Variants in ALDH7A1 observed in about 807,000 individuals in gnomAD.
ALDH7A1 encodes the protein alpha-aminoadipic semialdehyde dehydrogenase.
Under a neutral mutation model 79.9 loss-of-function variants are expected in ALDH7A1, and 63 were observed. The observed-to-expected ratio is 0.79, with a 90% CI of 0.64 to 0.97. The LOEUF (loss-of-function observed/expected upper bound fraction) is 0.97, where lower values mean the gene tolerates loss of function less well. Ranked by LOEUF, ALDH7A1 falls within the 50% of genes least tolerant of loss-of-function variation. The pLI is 0.00. For missense variants in ALDH7A1, 627 were observed against 665.2 expected, an observed-to-expected ratio of 0.94 and a Z score of 0.63; for synonymous variants, 240 against 231.2, an observed-to-expected ratio of 1.04 and a Z score of -0.34.
chr5:126,579,803 T>A (rs1030879697), intron 5 of ALDH7A1, among the ~76,000 whole-genome samples: 11 of 151,778 alleles, frequency 7.2e-5, no homozygotes, highest in Admixed American at 3.9e-4. Flanking sequence ...ACAAGAAAAA[T>A]TTTTAAATTA....
Position 126,544,876 on chromosome 5 carries a change from T to C in ALDH7A1, c.*89A>G, listed in dbSNP as rs1233658321. 5 of 1,088,258 alleles carry C rather than the reference T, an allele frequency of 4.6e-6. No homozygotes were observed. In the African/African-American group the frequency reaches 7.8e-5, roughly 17 times the overall value. 67.4% of individuals were successfully genotyped at this position (1,088,258 alleles called of 1,614,324 possible). On this transcript the variant is annotated 3_prime_UTR_variant, in exon 18 of 18. Coordinates refer to ENST00000409134, the MANE Select transcript of ALDH7A1 (RefSeq NM_001182.5). Reference sequence around the variant, plus strand: ...CACTGTCACAGTCATAATAATGCATTTATTCAGGGAAAACTTTAATTTTCT... The same window carrying C: ...CACTGTCACAGTCATAATAATGCATCTATTCAGGGAAAACTTTAATTTTCT...
At chr5:126,552,254 T>C in intron 13 of ALDH7A1, 117 bp from the exon 14 acceptor site, 1 of 718,620 alleles carries the variant, frequency 1.4e-6, no homozygotes, top group Non-Finnish European at 2.4e-6. Flanking sequence ...CATTTATAGG[T>C]GAATTATTTC....
At chr5:126,550,026 G>A (rs757878684) in intron 15 of ALDH7A1, 24 bp from the exon 16 acceptor site, 1 of 1,606,142 alleles carries the variant, frequency 6.2e-7, no homozygotes, top group Non-Finnish European at 8.5e-7. Flanking sequence ...GAGGCATGGT[G>A]AGAGCAATGA....
At position 126,561,077 on chromosome 5, in the gene ALDH7A1, C is replaced by G. The variant is rs776351988; in HGVS notation, c.913+6G>C. 2 of 1,613,312 alleles carry G rather than the reference C, an allele frequency of 1.2e-6. No homozygotes were observed. Among genetic ancestry groups the G allele is most frequent in the East Asian group, 2.2e-5 (1 of 44,840 alleles). ...AAAACAAACAAAAACAAAGAGGCAGCCTTACCAATAATGGCATTGTTTCCT... is the reference window on the plus strand; with the variant it reads ...AAAACAAACAAAAACAAAGAGGCAGGCTTACCAATAATGGCATTGTTTCCT... On this transcript the variant is annotated splice_donor_region_variant and intron_variant, in intron 10 of 17. Transcript: ENST00000409134.
intron 16 of ALDH7A1, among the ~76,000 whole-genome samples, chr5:126,547,662 C>T (rs1749836703): frequency 1.3e-5 from 2 of 152,214 alleles, no homozygotes; most frequent in African/African-American, 2.4e-5. Flanking sequence ...AGGGTCAATA[C>T]ATAATGTCTA....
chr5:126,543,964 C>CTTTTTTTTTTTTTTTTTTT lies in ALDH7A1; in HGVS notation c.*982_*1000dup, dbSNP rs60217601. 1 of 122,062 alleles carries CTTTTTTTTTTTTTTTTTTT rather than the reference C, an allele frequency of 8.2e-6. No homozygotes were observed. The highest frequency in any genetic ancestry group is 1.7e-5 in the Non-Finnish European group (1 of 59,962). 7.6% of individuals were successfully genotyped at this position (122,062 alleles called of 1,614,324 possible). On this transcript the variant is annotated 3_prime_UTR_variant, in exon 18 of 18. Coordinates refer to ENST00000409134, the MANE Select transcript of ALDH7A1 (RefSeq NM_001182.5). Reference sequence around the variant, plus strand: ...GGTTGTATAAAAAAATCCAGATGCACTTTTTTTTTTTTTTTTTTTTGTAGA... The same window carrying CTTTTTTTTTTTTTTTTTTT: ...GGTTGTATAAAAAAATCCAGATGCACTTTTTTTTTTTTTTTTTTTTTTTTTTTTTTTTTTTTTTTGTAGA...
At chr5:126,590,202 T>A (rs1581403266) in intron 3 of ALDH7A1, among the ~76,000 whole-genome samples, 1 of 145,122 alleles carries the variant, frequency 6.9e-6, no homozygotes, top group Non-Finnish European at 1.5e-5. Context: ...GCCACCGCCC[T>A]GTCTGGGAAG....
chr5:126,544,411 A>T lies in ALDH7A1; in HGVS notation c.*554T>A, dbSNP rs1029608883. 13 of 160,678 alleles carry T rather than the reference A, an allele frequency of 8.1e-5. No individual in the cohort carries two copies. The highest frequency in any genetic ancestry group is 3.1e-4 in the African/African-American group (13 of 41,490). 10.0% of individuals were successfully genotyped at this position (160,678 alleles called of 1,614,324 possible). On this transcript the variant is annotated 3_prime_UTR_variant, in exon 18 of 18. Transcript: ENST00000409134. ...TTCATAAGCAAGAGCCATAACTGTGATGAATGCCTGTTGTCATTTTAAGCA... is the reference window on the plus strand; with the variant it reads ...TTCATAAGCAAGAGCCATAACTGTGTTGAATGCCTGTTGTCATTTTAAGCA...
Position 126,559,285 on chromosome 5 carries a change from A to G in ALDH7A1, c.963T>C (p.Ala321=). Residue 321 remains alanine (A), a synonymous_variant, in exon 11 of 18, where the codon GCT becomes GCC. Transcript: ENST00000409134. ...ACCTCTGGCCAGCTGTTCCCACAGC[A>G]GCGAAGAGAGCTGATGGAACAACTA... ...LSLVVPSALF[A]AVGTAGQRCT... is the part of the protein sequence containing the mutation. 1 of 1,614,076 alleles carries G rather than the reference A, an allele frequency of 6.2e-7. No individual in the cohort carries two copies.
Position 126,594,742 on chromosome 5 carries a change from G to A in ALDH7A1, c.192+265C>T, listed in dbSNP as rs1751682248. 2.0e-5 allele frequency among the ~76,000 whole-genome samples: 3 copies of A among 152,006 alleles called. No homozygotes were observed. The South Asian group carries it at 6.2e-4, about 32-fold the overall frequency. ...ATTACAGGGGTGAGCCACCGCGCCC[G>A]GTAGACCATAATGTTTTAAATATGC... On this transcript the variant is annotated intron_variant, in intron 1 of 17. Coordinates refer to ENST00000409134, the MANE Select transcript of ALDH7A1 (RefSeq NM_001182.5).
rs1561652430 is a variant in ALDH7A1, at chr5:126,556,022, G to GA, written c.1009-8dup. On this transcript the variant is annotated splice_region_variant and splice_polypyrimidine_tract_variant and intron_variant, in intron 11 of 17. Coordinates refer to ENST00000409134, the MANE Select transcript of ALDH7A1 (RefSeq NM_001182.5). Reference sequence around the variant, plus strand: ...GGATGCTTTCATGTATAAACTAAACGAAAAAAGATATTCAAGGGCATAGTA... The same window carrying GA: ...GGATGCTTTCATGTATAAACTAAACGAAAAAAAGATATTCAAGGGCATAGTA... The GA allele has an allele frequency of 3.7e-6, 6 of 1,600,862 alleles. No homozygotes were observed. The highest frequency in any genetic ancestry group is 4.3e-6 in the Non-Finnish European group (5 of 1,169,758).
intron 11 of ALDH7A1, among the ~76,000 whole-genome samples, chr5:126,558,094 G>T (rs898244839): frequency 7.2e-6 from 1 of 138,948 alleles, no homozygotes; most frequent in Non-Finnish European, 1.5e-5. Context: ...CTTGAATCCA[G>T]GAGGTGGAGG....
rs1415182805 is a variant in ALDH7A1, at chr5:126,576,978, G to A, written c.650+101C>T. ...TATTGAAGAAGCCAGGTGTGGTGATGCACACTTATAATCCCAGTTACTGAA... is the reference window on the plus strand; with the variant it reads ...TATTGAAGAAGCCAGGTGTGGTGATACACACTTATAATCCCAGTTACTGAA... On this transcript the variant is annotated intron_variant, in intron 6 of 17. Transcript: ENST00000409134. The A allele has an allele frequency of 3.4e-6, 5 of 1,466,666 alleles. No homozygotes were observed. The African/African-American group carries it at 4.2e-5, about 12-fold the overall frequency. 90.9% of individuals were successfully genotyped at this position (1,466,666 alleles called of 1,614,324 possible). A position where few individuals can be genotyped will look rare whatever the true frequency, so the allele number is the denominator to read the frequency against.
chr5:126,556,821 C>A (rs1357476814), intron 11 of ALDH7A1, among the ~76,000 whole-genome samples: 2 of 152,132 alleles, frequency 1.3e-5, no homozygotes, highest in African/African-American at 4.8e-5. Context: ...CTGAACTTGC[C>A]AAACCATCTA....
intron 9 of ALDH7A1, chr5:126,564,427 C>T (rs758567783): frequency 7.5e-5 from 58 of 776,600 alleles, no homozygotes; most frequent in Non-Finnish European, 9.6e-5. Flanking sequence ...GGATTACAGA[C>T]GTGAGCCACT....
At position 126,544,809 on chromosome 5, in the gene ALDH7A1, C is replaced by T. The variant is rs1749730625; in HGVS notation, c.*156G>A. ...TTATTTTGATTTTTAAAAAAGGAAT[C>T]TCTTGATTTAATCAGGGCTTTGGGG... On this transcript the variant is annotated 3_prime_UTR_variant, in exon 18 of 18. Transcript: ENST00000409134. 4.6e-6 allele frequency: 3 copies of T among 648,560 alleles called. No individual in the cohort carries two copies. Among genetic ancestry groups the T allele is most frequent in the Non-Finnish European group, 8.2e-6 (3 of 365,490 alleles). 40.2% of individuals were successfully genotyped at this position (648,560 alleles called of 1,614,324 possible).
At chr5:126,574,341 C>T (rs144282930) in intron 7 of ALDH7A1, among the ~76,000 whole-genome samples, 20,594 of 149,284 alleles carry the variant, frequency 0.14, 1,868 homozygotes, top group East Asian at 0.33. Context: ...CGGAGGTTGC[C>T]GTGAGCCAAG....
Position 126,547,962 on chromosome 5 carries a change from G to A in ALDH7A1, c.1490-1563C>T, listed in dbSNP as rs184200191. On this transcript the variant is annotated intron_variant, in intron 16 of 17. Transcript: ENST00000409134. ...AGCTACTCACGAGGTTGAGGCGGGA[G>A]AATTGCTTGAACTGGGGAGGTGGAT... Among the ~76,000 whole-genome samples, 32 of 151,558 alleles carry A rather than the reference G, an allele frequency of 2.1e-4. No homozygotes were observed. The East Asian group carries it at 6.0e-3, about 29-fold the overall frequency.
intron 9 of ALDH7A1, among the ~76,000 whole-genome samples, chr5:126,563,537 T>G (rs1750469873): frequency 6.6e-6 from 1 of 152,218 alleles, no homozygotes; most frequent in South Asian, 2.1e-4. Context: ...TTGCCCAGGC[T>G]GGAGTGCAGT....
Sources: gnomAD v4.1 joint callset for allele counts (sites outside exome capture counted in the v4.1 genomes callset) on GRCh38, gnomAD v4.1.1 for gene constraint, MANE v1.5 for transcripts, NCBI Gene and HGNC (gene_info 2026-07-23, HGNC 2026-07-21) for gene names.